KCNH2: variants seen among roughly 807,000 people sequenced by gnomAD.
KCNH2 encodes the protein voltage-gated inwardly rectifying potassium channel KCNH2.
KCNH2 carries 35 observed loss-of-function variants against 95.9 expected under a neutral mutation model. The ratio of observed to expected loss-of-function variants is 0.37; its 90% confidence interval spans 0.28 to 0.48. KCNH2 has a LOEUF of 0.48. Among genes scored for constraint, KCNH2 ranks in the 20% least tolerant of loss-of-function variants. The pLI, the probability that KCNH2 is intolerant of heterozygous loss-of-function variation, is 0.99. For synonymous variants in KCNH2, 786 were observed against 754.7 expected, an observed-to-expected ratio of 1.04 and a Z score of -0.68; for missense variants, 1,274 against 1,702.9, an observed-to-expected ratio of 0.75 and a Z score of 4.43.
Position 150,962,347 on chromosome 7 carries a change from A to G in KCNH2, c.308-2611T>C, listed in dbSNP as rs935795096. ...AGTCCTCCACCAGGGAGCTTGCCTC[A>G]GAGAAGTCTAGAGTCTGGAGCCAAG... On this transcript the variant is annotated intron_variant, in intron 2 of 14. Coordinates refer to ENST00000262186, the MANE Select transcript of KCNH2 (RefSeq NM_000238.4). The surrounding 1 kb of genome is among the most constrained non-coding windows in gnomAD (Gnocchi z 5.7). Among the ~76,000 whole-genome samples the G allele has an allele frequency of 2.6e-5, 4 of 152,158 alleles. No individual in the cohort carries two copies. The highest frequency in any genetic ancestry group is 9.7e-5 in the African/African-American group (4 of 41,440).
rs1448558401 is a variant in KCNH2 at position 150,959,608 on chromosome 7, T to C, written c.436A>G (p.Asn146Asp). 1 of 1,613,934 alleles carries C rather than the reference T, an allele frequency of 6.2e-7. No individual in the cohort carries two copies. The highest frequency in any genetic ancestry group is 8.5e-7 in the Non-Finnish European group (1 of 1,179,994). The change falls in exon 3 of 15, where the codon AAC becomes GAC. Residue 146 changes from asparagine to aspartate, a missense_variant. By Grantham distance (23) the Asn-to-Asp change is conservative. Transcript: ENST00000262186. Reference protein sequence around the residue: ...DMVGSPAHDTNHRGPPTSWLA... With the variant: ...DMVGSPAHDTDHRGPPTSWLA... ...CAGCTGGTGGGGGGGCCCCGGTGGT[T>C]GGTGTCATGAGCCGGGGACCCCACC... is the stretch of plus-strand genomic sequence containing the variant.
chr7:150,962,943 C>T lies in KCNH2; in HGVS notation c.308-3207G>A, dbSNP rs1210225101. Among the ~76,000 whole-genome samples the T allele has an allele frequency of 6.6e-6, 1 of 152,184 alleles. No individual in the cohort carries two copies. Among genetic ancestry groups the T allele is most frequent in the African/African-American group, 2.4e-5 (1 of 41,456 alleles). On this transcript the variant is annotated intron_variant, in intron 2 of 14. Transcript: ENST00000262186. The surrounding 1 kb of genome is among the most constrained non-coding windows in gnomAD (Gnocchi z 5.7). ...CTCCCAGCTCTTCAGCCAGGCCTCC[C>T]AGCCAGACTCCATCCCACCACTGGC...
At chr7:150,947,269 C>A in intron 13 of KCNH2, 59 bp downstream of exon 13, 1 of 1,411,138 alleles carries the variant, frequency 7.1e-7, no homozygotes, top group African/African-American at 1.4e-5. Flanking sequence ...CAGACAACAC[C>A]GCCAGGACCT....
rs1020391843 is a variant in KCNH2, at chr7:150,978,216, C to G, written c.-303G>C. 6.8e-6 allele frequency: 1 copy of G among 146,630 alleles called. No homozygotes were observed. Among genetic ancestry groups the G allele is most frequent in the Non-Finnish European group, 1.5e-5 (1 of 65,864 alleles). 9.1% of individuals were successfully genotyped at this position (146,630 alleles called of 1,614,324 possible). A position where few individuals can be genotyped will look rare whatever the true frequency, so the allele number is the denominator to read the frequency against. ...CCGCGTCCCCGCGCTGCGCTCCGCC[C>G]GCCCGAGCCCCGGACTCCTGGCTCC... On this transcript the variant is annotated 5_prime_UTR_variant, in exon 1 of 15. Transcript: ENST00000262186.
chr7:150,972,861 T>G (rs1367909425), intron 2 of KCNH2, among the ~76,000 whole-genome samples: 1 of 152,152 alleles, frequency 6.6e-6, no homozygotes, highest in African/African-American at 2.4e-5. Flanking sequence ...GGGGCCAGCC[T>G]AGACTGGGAG....
chr7:150,952,569 G>A lies in KCNH2; in HGVS notation c.1413C>T (p.Phe471=). The A allele has an allele frequency of 6.2e-7, 1 of 1,614,220 alleles. No homozygotes were observed. The highest frequency in any genetic ancestry group is 1.3e-5 in the African/African-American group (1 of 75,048). The change falls in exon 6 of 15, where the codon TTC becomes TTT. Residue 471 remains phenylalanine (F), a synonymous_variant. Coordinates refer to ENST00000262186, the MANE Select transcript of KCNH2 (RefSeq NM_000238.4). The surrounding 1 kb of genome is among the most constrained non-coding windows in gnomAD (Gnocchi z 7.3). Reference sequence around the variant, plus strand: ...CGTTGGCATTGACGTAGGTGGTGCGGAAGTTGATGAGGATGTCCACAATGA... The same window carrying A: ...CGTTGGCATTGACGTAGGTGGTGCGAAAGTTGATGAGGATGTCCACAATGA... ...IMFIVDILIN[F]RTTYVNANEE...
chr7:150,968,511 A>C (rs1415178370), intron 2 of KCNH2, among the ~76,000 whole-genome samples: 2 of 152,360 alleles, frequency 1.3e-5, no homozygotes, highest in East Asian at 3.9e-4. Flanking sequence ...GCACAATATC[A>C]TTTACATAAA....
intron 13 of KCNH2, 74 bp from the exon 14 acceptor site, chr7:150,947,128 G>T (rs1800924487): frequency 2.3e-6 from 1 of 436,170 alleles, no homozygotes. Context: ...TGGGGAAGGG[G>T]AAGGGGAGGG....
intron 9 of KCNH2, chr7:150,949,440 A>G: frequency 1.2e-6 from 1 of 853,404 alleles, no homozygotes; most frequent in African/African-American, 1.8e-5. Context: ...TTTTACTGAA[A>G]GAACATACAG....
At chr7:150,960,595 C>T (rs181095912) in intron 2 of KCNH2, among the ~76,000 whole-genome samples, 7 of 152,322 alleles carry the variant, frequency 4.6e-5, no homozygotes, top group Admixed American at 1.3e-4. Context: ...ACAAAATCCA[C>T]GCATGTGCTC....
chr7:150,948,710 G>A, intron 10 of KCNH2, 146 bp downstream of exon 10: 1 of 1,082,218 alleles, frequency 9.2e-7, no homozygotes, highest in Non-Finnish European at 1.4e-6. Context: ...GACTGAGTTT[G>A]GGACTTTTGT....
Position 150,947,439 on chromosome 7 carries a change from C to A in KCNH2, c.3041G>T (p.Arg1014Leu). ...GAGGCTGGGGGTGGGGGCGGGGCAT[C>A]GAGGGAGCTCCTGGTACTGGCGGCC... ...SRGRQYQELP[R>L]CPAPTPSLLN... The change falls in exon 13 of 15, where the codon CGA becomes CTA. Residue 1014 changes from arginine (R) to leucine (L), a missense_variant. By Grantham distance (102) the Arg-to-Leu change is moderately radical (BLOSUM62 -2). Coordinates refer to ENST00000262186, the MANE Select transcript of KCNH2 (RefSeq NM_000238.4). 1 of 1,561,118 alleles carries A rather than the reference C, an allele frequency of 6.4e-7. No individual in the cohort carries two copies. Among genetic ancestry groups the A allele is most frequent in the Non-Finnish European group, 8.7e-7 (1 of 1,153,042 alleles).
At chr7:150,963,342 C>T (rs1482479626) in intron 2 of KCNH2, among the ~76,000 whole-genome samples, 1 of 152,156 alleles carries the variant, frequency 6.6e-6, no homozygotes, top group East Asian at 1.9e-4. Context: ...CGGTCACTTA[C>T]CGGCCCAGAG....
At position 150,951,223 on chromosome 7, in the gene KCNH2, G is replaced by A. The variant is rs373097096; in HGVS notation, c.1946-103C>T. 57 of 1,109,362 alleles carry A rather than the reference G, an allele frequency of 5.1e-5. No homozygotes were observed. In the East Asian group the frequency reaches 5.4e-4, roughly 10 times the overall value. 68.7% of individuals were successfully genotyped at this position (1,109,362 alleles called of 1,614,324 possible). On this transcript the variant is annotated intron_variant, in intron 7 of 14. Coordinates refer to ENST00000262186, the MANE Select transcript of KCNH2 (RefSeq NM_000238.4). ...ACCAGGTCAGTGTCTCAGTCTCAGC[G>A]TCGACATGCCCACGAGACGCCCTTG...
In KCNH2 at chr7:150,958,432, C is replaced by T. The variant is rs2117006753; in HGVS notation, c.543G>A (p.Arg181=). Residue 181 remains arginine (R), a synonymous_variant, in exon 4 of 15, where the codon CGG becomes CGA. Transcript: ENST00000262186. ...CGCCCGCGCCGCCCGCGCCGCCCGA[C>T]CGCACCGACGACTCCCGGGCCGTCA... ...LALTARESSV[R]SGGAGGAGAP... 2.7e-6 allele frequency: 4 copies of T among 1,458,184 alleles called. No individual in the cohort carries two copies. The highest frequency in any genetic ancestry group is 3.6e-6 in the Non-Finnish European group (4 of 1,112,456). 90.3% of individuals were successfully genotyped at this position (1,458,184 alleles called of 1,614,324 possible). A position where few individuals can be genotyped will look rare whatever the true frequency, so the allele number is the denominator to read the frequency against.
In KCNH2 at chr7:150,946,753, G is replaced by C. The variant is rs1371012934; in HGVS notation, c.3330+124C>G. ...TCCAGGAGGACAGGGGTGGGAGGAG[G>C]GCAGGAACAAGGTTCAGGGAGGCTG... On this transcript the variant is annotated intron_variant, in intron 14 of 14. Transcript: ENST00000262186. This position sits in a 1 kb window ranked among gnomAD's most constrained non-coding sequence, Gnocchi z 6.5. 1 of 886,690 alleles carries C rather than the reference G, an allele frequency of 1.1e-6. No individual in the cohort carries two copies. The highest frequency in any genetic ancestry group is 1.7e-6 in the Non-Finnish European group (1 of 575,410). The allele number at this position is 886,690 out of a possible 1,614,324, so 54.9% of individuals were successfully genotyped here.
At chr7:150,976,031 C>G (rs1433462092) in intron 1 of KCNH2, among the ~76,000 whole-genome samples, 2 of 152,262 alleles carry the variant, frequency 1.3e-5, no homozygotes, top group African/African-American at 4.8e-5. Flanking sequence ...GAGTGAGCAG[C>G]AGGCAGGCAG....
Position 150,962,681 on chromosome 7 carries a change from C to T in KCNH2, c.308-2945G>A, listed in dbSNP as rs539948820. 1.0e-4 allele frequency among the ~76,000 whole-genome samples: 15 copies of T among 149,530 alleles called. No individual in the cohort carries two copies. Among genetic ancestry groups the T allele is most frequent in the Non-Finnish European group, 1.9e-4 (13 of 66,984 alleles). On this transcript the variant is annotated intron_variant, in intron 2 of 14. Coordinates refer to ENST00000262186, the MANE Select transcript of KCNH2 (RefSeq NM_000238.4). The surrounding 1 kb of genome is among the most constrained non-coding windows in gnomAD (Gnocchi z 5.7). ...GTGACTGCTGGCCCTCTTCCTTTGT[C>T]GAGATTCAAGAAATTTTTCCTTTCA...
In KCNH2 at chr7:150,962,394, G is replaced by C. The variant is rs1801590310; in HGVS notation, c.308-2658C>G. ...CAAGATGGACTCAAACTTCAGAATG[G>C]GCTGGAGACTGTCCCCAACACAGGG... On this transcript the variant is annotated intron_variant, in intron 2 of 14. Coordinates refer to ENST00000262186, the MANE Select transcript of KCNH2 (RefSeq NM_000238.4). The surrounding 1 kb of genome is among the most constrained non-coding windows in gnomAD (Gnocchi z 5.7). Among the ~76,000 whole-genome samples, 1 of 152,116 alleles carries C rather than the reference G, an allele frequency of 6.6e-6. No homozygotes were observed. Among genetic ancestry groups the C allele is most frequent in the African/African-American group, 2.4e-5 (1 of 41,402 alleles).
Sources: gnomAD v4.1 joint callset for allele counts (sites outside exome capture counted in the v4.1 genomes callset) on GRCh38, gnomAD v4.1.1 for gene constraint, Gnocchi (gnomAD v3.1) non-coding constraint, MANE v1.5 for transcripts, NCBI Gene and HGNC (gene_info 2026-07-23, HGNC 2026-07-21) for gene names.